Variants in LRRC38 observed in about 807,000 individuals in gnomAD.
LRRC38 encodes the protein leucine-rich repeat-containing protein 38.
Under a neutral mutation model 16.4 loss-of-function variants are expected in LRRC38, and 5 were observed. The ratio of observed to expected loss-of-function variants is 0.31; its 90% CI spans 0.16 to 0.64. The LOEUF (loss-of-function observed/expected upper bound fraction) is 0.64, where lower values mean the gene tolerates loss of function less well. Among genes scored for constraint, LRRC38 ranks in the 30% least tolerant of loss-of-function variants. LRRC38 has a pLI of 0.80. For synonymous variants in LRRC38, 191 were observed against 190.2 expected, an observed-to-expected ratio of 1.00 and a Z score of -0.04; for missense variants, 341 against 401.8, an observed-to-expected ratio of 0.85 and a Z score of 1.29.
intron 1 of LRRC38, among the ~76,000 whole-genome samples, chr1:13,502,203 A>G (rs554991711): frequency 6.6e-6 from 1 of 151,624 alleles, no homozygotes; most frequent in Non-Finnish European, 1.5e-5. Context: ...GGCCTCCCAA[A>G]GGGCTGGGAT....
At chr1:13,485,277 TAA>T (rs3060199) in intron 1 of LRRC38, among the ~76,000 whole-genome samples, 11 of 97,784 alleles carry the variant, frequency 1.1e-4, no homozygotes, top group Non-Finnish European at 1.2e-4. Flanking sequence ...AACCCCACCT[TAA>T]AAAAAAAAAA....
chr1:13,509,481 A>C (rs1639250846), intron 1 of LRRC38, among the ~76,000 whole-genome samples: 1 of 151,808 alleles, frequency 6.6e-6, no homozygotes. Context: ...ACCCAGCGGC[A>C]TATTCTCCCT....
chr1:13,507,101 G>A (rs956435989), intron 1 of LRRC38, among the ~76,000 whole-genome samples: 1 of 152,238 alleles, frequency 6.6e-6, no homozygotes, highest in Admixed American at 6.5e-5. Flanking sequence ...TTTGGGGCCA[G>A]AGTAGGATGA....
chr1:13,486,439 G>A (rs943560678), intron 1 of LRRC38, among the ~76,000 whole-genome samples: 25 of 151,984 alleles, frequency 1.6e-4, no homozygotes, highest in African/African-American at 5.6e-4. Context: ...ACGCCTTTTC[G>A]GGGGATACAA....
At position 13,490,244 on chromosome 1, in the gene LRRC38, C is replaced by T. The variant is rs145342832; in HGVS notation, c.632-14145G>A. On this transcript the variant is annotated intron_variant, in intron 1 of 1. Coordinates refer to ENST00000376085, the MANE Select transcript of LRRC38 (RefSeq NM_001010847.2). ...TGACCGGCTGGCTCACTGTAACCTC[C>T]GCCTCTCGGGTTCAAGCGATTCTCC... Among the ~76,000 whole-genome samples the T allele has an allele frequency of 5.6e-3, 846 of 152,168 alleles. 13 individuals are homozygous for T. The highest frequency in any genetic ancestry group is 0.019 in the African/African-American group (782 of 41,508).
At chr1:13,483,996 G>A (rs1347795988) in intron 1 of LRRC38, among the ~76,000 whole-genome samples, 1 of 152,020 alleles carries the variant, frequency 6.6e-6, no homozygotes, top group Admixed American at 6.6e-5. Flanking sequence ...TGTGTGGAGA[G>A]AGATTTATTA....
At chr1:13,481,780 C>CT (rs1553134659) in intron 1 of LRRC38, among the ~76,000 whole-genome samples, 9 of 58,348 alleles carry the variant, frequency 1.5e-4, no homozygotes, top group African/African-American at 1.4e-3. Flanking sequence ...TCCCTCTCTC[C>CT]CTCTCTCCCT....
intron 1 of LRRC38, among the ~76,000 whole-genome samples, chr1:13,488,032 T>G (rs72866305): frequency 6.8e-5 from 10 of 147,204 alleles, no homozygotes; most frequent in South Asian, 4.3e-4. Flanking sequence ...TTGTGTGTGT[T>G]TGTGTGTGTG....
intron 1 of LRRC38, among the ~76,000 whole-genome samples, chr1:13,501,906 G>T (rs908899243): frequency 4.0e-5 from 6 of 151,786 alleles, no homozygotes; most frequent in African/African-American, 7.3e-5. Context: ...GGGACTACAG[G>T]CACCTGCCGC....
At chr1:13,497,205 G>A (rs544782490) in intron 1 of LRRC38, among the ~76,000 whole-genome samples, 3 of 152,140 alleles carry the variant, frequency 2.0e-5, no homozygotes, top group South Asian at 2.1e-4. Flanking sequence ...TCTGAGCCGA[G>A]GTGGAACATG....
chr1:13,509,822 C>G lies in LRRC38; in HGVS notation c.631+3141G>C, dbSNP rs191795372. On this transcript the variant is annotated intron_variant, in intron 1 of 1. Transcript: ENST00000376085. ...GCACAGAGGACAGGCAACTTATACA[C>G]AGTCCCACCATGAGTGAGTTACTGC... 4.1e-4 allele frequency among the ~76,000 whole-genome samples: 62 copies of G among 152,318 alleles called. No homozygotes were observed. In the East Asian group the frequency reaches 0.01, roughly 26 times the overall value.
chr1:13,489,799 T>C (rs986949888), intron 1 of LRRC38, among the ~76,000 whole-genome samples: 5 of 152,064 alleles, frequency 3.3e-5, no homozygotes, highest in African/African-American at 7.2e-5. Flanking sequence ...ACAGGGAAAA[T>C]TCCCAATTAA....
rs3795749 is a variant in LRRC38 at position 13,475,551 on chromosome 1, T to A, written c.*295A>T. ...ATTTCCTGGGGGAGGCTTTTAGTCA[T>A]CAGCTATGAAGCCTGACTCGGTCAT... On this transcript the variant is annotated 3_prime_UTR_variant, in exon 2 of 2. Transcript: ENST00000376085. The surrounding 1 kb of genome is among the most constrained non-coding windows in gnomAD (Gnocchi z 4.3). 3.0e-6 allele frequency: 1 copy of A among 338,314 alleles called. No homozygotes were observed. The highest frequency in any genetic ancestry group is 4.2e-5 in the Admixed American group (1 of 23,946). 21.0% of individuals were successfully genotyped at this position (338,314 alleles called of 1,614,324 possible).
intron 1 of LRRC38, among the ~76,000 whole-genome samples, chr1:13,481,461 G>A (rs973241026): frequency 6.6e-5 from 10 of 150,624 alleles, no homozygotes; most frequent in Non-Finnish European, 8.8e-5. Flanking sequence ...GCATGATCTC[G>A]GCTCACTGCA....
chr1:13,512,922 C>CCCCCCA, intron 1 of LRRC38, 41 bp downstream of exon 1: 2 of 1,218,340 alleles, frequency 1.6e-6, no homozygotes, highest in Non-Finnish European at 1.1e-6. Context: ...CCTCTCCCTG[C>CCCCCCA]CCCCCTCCCT....
At chr1:13,488,239 T>TC (rs1638962948) in intron 1 of LRRC38, among the ~76,000 whole-genome samples, 1 of 151,468 alleles carries the variant, frequency 6.6e-6, no homozygotes, top group Admixed American at 6.6e-5. Flanking sequence ...CTCTTAGAAC[T>TC]AATGCTGCTA....
At chr1:13,485,433 T>A (rs929945511) in intron 1 of LRRC38, among the ~76,000 whole-genome samples, 3 of 151,790 alleles carry the variant, frequency 2.0e-5, no homozygotes, top group Non-Finnish European at 4.4e-5. Context: ...AAAATTAGCA[T>A]GGTGGCGGGC....
At chr1:13,478,228 AAAAT>A (rs1163730392) in intron 1 of LRRC38, among the ~76,000 whole-genome samples, 2 of 152,254 alleles carry the variant, frequency 1.3e-5, no homozygotes, top group Non-Finnish European at 2.9e-5. Flanking sequence ...AGAGAAGAGA[AAAAT>A]AAATAAAGTA....
chr1:13,505,436 G>T (rs1387594931), intron 1 of LRRC38, among the ~76,000 whole-genome samples: 1 of 152,154 alleles, frequency 6.6e-6, no homozygotes, highest in Admixed American at 6.5e-5. Context: ...CAAAGCCACC[G>T]AGGGGTATTT....
Sources: gnomAD v4.1 joint callset for allele counts (sites outside exome capture counted in the v4.1 genomes callset) on GRCh38, gnomAD v4.1.1 for gene constraint, Gnocchi (gnomAD v3.1) non-coding constraint, MANE v1.5 for transcripts, NCBI Gene and HGNC (gene_info 2026-07-23, HGNC 2026-07-21) for gene names.